ASPH: variants seen among roughly 807,000 people sequenced by gnomAD.
ASPH encodes the protein aspartate beta-hydroxylase, also known as aspartyl/asparaginyl beta-hydroxylase.
In ASPH, 100 loss-of-function variants were observed where a neutral mutation model predicts 118.4. The ratio of observed to expected loss-of-function variants is 0.84; its 90% CI spans 0.72 to 1.00. ASPH has a LOEUF of 1.00. ASPH is among the 50% of genes least tolerant of loss of function. ASPH has a pLI of 0.00. For synonymous variants in ASPH, 315 were observed against 325.6 expected (o/e 0.97, Z 0.35); for missense variants, 920 against 919.5 (o/e 1.00, Z -0.01).
In ASPH at chr8:61,580,803, T is replaced by C. The variant is rs555328640; in HGVS notation, c.1062+3141A>G. On this transcript the variant is annotated intron_variant, in intron 15 of 24. Transcript: ENST00000379454. The stretch of plus-strand genomic sequence containing the variant: ...TCTCTTATGAGGAAACATGATTGCA[T>C]TTAAGGCCCAACTGGATAATCCAGG... Among the ~76,000 whole-genome samples, 71 of 152,334 alleles carry C rather than the reference T, an allele frequency of 4.7e-4. 1 individual carries two copies. Among genetic ancestry groups the C allele is most frequent in the Admixed American group, 2.6e-4 (4 of 15,302 alleles).
intron 20 of ASPH, among the ~76,000 whole-genome samples, chr8:61,552,005 C>G (rs1826191340): frequency 6.6e-6 from 1 of 152,188 alleles, no homozygotes; most frequent in Admixed American, 6.5e-5. Context: ...GGTTCATGTT[C>G]CTAGCAGACA....
chr8:61,638,004 C>G lies in ASPH; in HGVS notation c.833-1G>C, dbSNP rs1415006383. 6.2e-7 allele frequency: 1 copy of G among 1,606,180 alleles called. No individual in the cohort carries two copies. Among genetic ancestry groups the G allele is most frequent in the Admixed American group, 1.7e-5 (1 of 58,428 alleles). Reference sequence around the variant, plus strand: ...TTATCCTCAGGGGGAGCAGTTACTTCTAAAATAAAGAATAAAATCAGAATC... The same window carrying G: ...TTATCCTCAGGGGGAGCAGTTACTTGTAAAATAAAGAATAAAATCAGAATC... On this transcript the variant is annotated splice_acceptor_variant, in intron 11 of 24. Transcript: ENST00000379454. LOFTEE classifies it high-confidence loss of function.
At position 61,653,588 on chromosome 8, in the gene ASPH, T is replaced by C. The variant is rs1310778002; in HGVS notation, c.395A>G (p.Glu132Gly). The C allele has an allele frequency of 1.9e-6, 3 of 1,613,906 alleles. No individual in the cohort carries two copies. The highest frequency in any genetic ancestry group is 2.5e-6 in the Non-Finnish European group (3 of 1,179,946). Reference protein sequence around the residue: ...EEAEPHTEPEEQVPVEAEPQN... With the variant: ...EEAEPHTEPEGQVPVEAEPQN... ...CTTACCTGCCTCCACAGGAACCTGC[T>C]CCTCGGGCTCAGTGTGTGGCTCAGC... Residue 132 changes from glutamate to glycine, a missense_variant, in exon 4 of 25, where the codon GAG becomes GGG. Glu to Gly is a moderately conservative substitution (Grantham distance 98, BLOSUM62 -2). Coordinates refer to ENST00000379454, the MANE Select transcript of ASPH (RefSeq NM_004318.4).
In ASPH at chr8:61,503,321, C is replaced by T; in HGVS notation, c.*38G>A. The T allele has an allele frequency of 6.4e-7, 1 of 1,568,080 alleles. No homozygotes were observed. The highest frequency in any genetic ancestry group is 1.2e-5 in the South Asian group (1 of 85,720). ...CAAGGAGATGGAACCAGAAAGGCAG[C>T]CTCTCTCCAGAGTTTCCCAAGCTTG... On this transcript the variant is annotated 3_prime_UTR_variant, in exon 25 of 25. Transcript: ENST00000379454.
At chr8:61,640,050 G>A (rs558770322) in intron 10 of ASPH, among the ~76,000 whole-genome samples, 8 of 152,058 alleles carry the variant, frequency 5.3e-5, no homozygotes, top group East Asian at 1.9e-4. Flanking sequence ...TGTCCTATCC[G>A]TCCACTGAAA....
intron 13 of ASPH, chr8:61,625,552 CT>C: frequency 1.0e-6 from 1 of 985,090 alleles, no homozygotes; most frequent in Non-Finnish European, 1.2e-6. Context: ...TAGGGCCATT[CT>C]TTTTCCTTGT....
intron 22 of ASPH, among the ~76,000 whole-genome samples, chr8:61,524,109 A>G (rs970453817): frequency 6.6e-6 from 1 of 152,230 alleles, no homozygotes; most frequent in African/African-American, 2.4e-5. Flanking sequence ...AGCAACTACA[A>G]CAGATTGGAA....
intron 14 of ASPH, among the ~76,000 whole-genome samples, chr8:61,599,557 C>T (rs1223881028): frequency 6.7e-6 from 1 of 149,856 alleles, no homozygotes; most frequent in African/African-American, 2.5e-5. Flanking sequence ...AGAGAAGACC[C>T]AAATAAATAA....
intron 21 of ASPH, among the ~76,000 whole-genome samples, chr8:61,539,699 G>GGGGTGTGTGTGT (rs1554618405): frequency 1.9e-3 from 232 of 124,290 alleles, no homozygotes; most frequent in South Asian, 3.0e-3. Flanking sequence ...ACACTTCTGG[G>GGGGTGTGTGTGT]GTGTGTGTGT....
intron 16 of ASPH, among the ~76,000 whole-genome samples, chr8:61,575,070 ACCT>A (rs1216391445): frequency 2.0e-5 from 3 of 151,840 alleles, no homozygotes; most frequent in African/African-American, 7.3e-5. Context: ...TAGTAATATA[ACCT>A]CCTCACATCT....
Position 61,562,869 on chromosome 8 carries a change from C to A in ASPH, c.1312G>T (p.Gly438Cys). 1 of 1,601,372 alleles carries A rather than the reference C, an allele frequency of 6.2e-7. No homozygotes were observed. The highest frequency in any genetic ancestry group is 8.5e-7 in the Non-Finnish European group (1 of 1,175,526). ...AATCTCTGCAGGGTAAGCAGGGAAC[C>A]TCTCATATGACCTGAGTAGGTGGGA... ...DRQQFLGHMR[G>C]SLLTLQRLVQ... The change falls in exon 18 of 25, where the codon GGT (glycine) becomes TGT (cysteine). Residue 438 changes from glycine to cysteine, a missense_variant. By Grantham distance (159) the Gly-to-Cys change is radical. Transcript: ENST00000379454.
In ASPH at chr8:61,618,971, A is replaced by G. The variant is rs777539734; in HGVS notation, c.976+7T>C. 8.1e-6 allele frequency: 13 copies of G among 1,599,494 alleles called. No individual in the cohort carries two copies. Among genetic ancestry groups the G allele is most frequent in the African/African-American group, 1.3e-5 (1 of 74,592 alleles). On this transcript the variant is annotated splice_region_variant and intron_variant, in intron 14 of 24. Transcript: ENST00000379454. ...TATTTTAAAGGCTGTTTATTTGACAATCTCACCTTTTGCTTTTTGTTCTGG... is the reference window on the plus strand; with the variant it reads ...TATTTTAAAGGCTGTTTATTTGACAGTCTCACCTTTTGCTTTTTGTTCTGG...
In ASPH at chr8:61,548,166, C is replaced by T. The variant is rs771447488; in HGVS notation, c.1669G>A (p.Ala557Thr). 2 of 1,613,930 alleles carry T rather than the reference C, an allele frequency of 1.2e-6. No individual in the cohort carries two copies. Among genetic ancestry groups the T allele is most frequent in the Non-Finnish European group, 1.7e-6 (2 of 1,179,886 alleles). ...TAGAGTGAGCGTTGCCAGACAGATG[C>T]AAAGTGTCCTCTCTTGTGCCCAAGC... ...YELGHKRGHFASVWQRSLYNV... is the reference protein window; with the variant it reads ...YELGHKRGHFTSVWQRSLYNV... The change falls in exon 21 of 25, where the codon GCA becomes ACA. Residue 557 changes from alanine (A) to threonine (T), a missense_variant. Coordinates refer to ENST00000379454, the MANE Select transcript of ASPH (RefSeq NM_004318.4).
chr8:61,714,543 C>T lies in ASPH; in HGVS notation c.-172G>A. 1 of 1,026,902 alleles carries T rather than the reference C, an allele frequency of 9.7e-7. No homozygotes were observed. The highest frequency in any genetic ancestry group is 1.3e-6 in the Non-Finnish European group (1 of 789,362). 63.6% of individuals were successfully genotyped at this position (1,026,902 alleles called of 1,614,324 possible). ...GCCTGCAGCACCTGGGAAGACTTCA[C>T]CCGCCTGCCGGCTGCGCGCGCCCGG... On this transcript the variant is annotated 5_prime_UTR_variant, in exon 1 of 25. The change creates a new upstream start codon in the 5' untranslated region. Coordinates refer to ENST00000379454, the MANE Select transcript of ASPH (RefSeq NM_004318.4).
intron 1 of ASPH, among the ~76,000 whole-genome samples, chr8:61,695,730 T>A (rs571679526): frequency 6.6e-6 from 1 of 152,352 alleles, no homozygotes; most frequent in African/African-American, 2.4e-5. Flanking sequence ...GCCACGTTCA[T>A]TACTGTACAC....
At chr8:61,553,528 T>C (rs532892527) in intron 19 of ASPH, among the ~76,000 whole-genome samples, 3 of 152,356 alleles carry the variant, frequency 2.0e-5, no homozygotes, top group East Asian at 3.9e-4. Context: ...CTGCTCATGT[T>C]TGAAGTGATG....
chr8:61,557,715 C>G (rs190059574), intron 18 of ASPH, among the ~76,000 whole-genome samples: 1 of 152,302 alleles, frequency 6.6e-6, no homozygotes, highest in East Asian at 1.9e-4. Flanking sequence ...TTCAGGTGCC[C>G]GAGAAACCTG....
At chr8:61,629,236 T>G (rs1424756971) in intron 13 of ASPH, among the ~76,000 whole-genome samples, 1 of 152,174 alleles carries the variant, frequency 6.6e-6, no homozygotes, top group East Asian at 1.9e-4. Flanking sequence ...ACACAAAACA[T>G]AAACTAACTT....
chr8:61,648,803 C>T (rs907242162), intron 5 of ASPH, among the ~76,000 whole-genome samples: 2 of 152,146 alleles, frequency 1.3e-5, no homozygotes, highest in Non-Finnish European at 2.9e-5. Context: ...AAAAACTGTG[C>T]TAAAGCCACA....
Sources: allele counts gnomAD v4.1 joint callset (sites outside exome capture counted in the v4.1 genomes callset), GRCh38; gene constraint gnomAD v4.1.1; transcripts MANE v1.5; gene names NCBI Gene and HGNC (gene_info 2026-07-23, HGNC 2026-07-21).